The following CEP164 variants were observed in gnomAD, a reference collection of about 807,000 sequenced individuals.
CEP164 encodes centrosomal protein of 164 kDa.
CEP164 carries 162 observed loss-of-function variants against 182.7 expected under a neutral mutation model. The observed-to-expected ratio is 0.89, with a 90% CI of 0.78 to 1.01. The LOEUF (loss-of-function observed/expected upper bound fraction) is 1.01. Among genes scored for constraint, CEP164 ranks in the 50% least tolerant of loss-of-function variants. The pLI is 0.00. For synonymous variants in CEP164, 661 were observed against 690.0 expected, an observed-to-expected ratio of 0.96 and a Z score of 0.66; for missense variants, 1,735 against 1,790.4, an observed-to-expected ratio of 0.97 and a Z score of 0.56.
At chr11:117,398,585 C>CT (rs138782691) in intron 27 of CEP164, among the ~76,000 whole-genome samples, 8,029 of 152,296 alleles carry the variant, frequency 0.053, 270 homozygotes, top group African/African-American at 0.059. Context: ...TTCCATACAT[C>CT]TTCTGAAATC....
rs775216897 is a variant in CEP164, at chr11:117,394,456, A to G, written c.2723A>G (p.Lys908Arg). The G allele has an allele frequency of 1.2e-6, 2 of 1,614,128 alleles. No individual in the cohort carries two copies. The highest frequency in any genetic ancestry group is 2.2e-5 in the South Asian group (2 of 91,070). Residue 908 changes from lysine to arginine, a missense_variant, in exon 21 of 33, where the codon AAG becomes AGG. Coordinates refer to ENST00000278935, the MANE Select transcript of CEP164 (RefSeq NM_014956.5). This position sits in a 1 kb window ranked among gnomAD's most constrained non-coding sequence, Gnocchi z 4.0. ...GAGACTGTGAGGCAGGAGCAACACA[A>G]GCGTCTTGAGGACTTGCGGCGCCGG... is the stretch of plus-strand genomic sequence containing the variant. ...ELETVRQEQH[K>R]RLEDLRRRHR...
At chr11:117,347,923 AT>A (rs1190916598) in intron 4 of CEP164, among the ~76,000 whole-genome samples, 2 of 152,014 alleles carry the variant, frequency 1.3e-5, no homozygotes, top group Non-Finnish European at 2.9e-5. Flanking sequence ...AATAAGGACA[AT>A]TTTTTATTCA....
At chr11:117,339,515 G>GTTTTTT (rs1199425322) in intron 3 of CEP164, among the ~76,000 whole-genome samples, 16 of 90,872 alleles carry the variant, frequency 1.8e-4, no homozygotes, top group Admixed American at 3.1e-4. Flanking sequence ...CTTTTCCTTT[G>GTTTTTT]TTTTTTGTTT....
chr11:117,360,334 A>AT (rs1319184158), intron 5 of CEP164, among the ~76,000 whole-genome samples: 1 of 151,832 alleles, frequency 6.6e-6, no homozygotes, highest in Non-Finnish European at 1.5e-5. Context: ...TGTCCAGCAA[A>AT]TTTTTTTAAT....
intron 5 of CEP164, among the ~76,000 whole-genome samples, chr11:117,360,250 C>G (rs1420863070): frequency 6.6e-6 from 1 of 152,108 alleles, no homozygotes; most frequent in Non-Finnish European, 1.5e-5. Flanking sequence ...TCACTATAAC[C>G]TTGAACTCCT....
At chr11:117,410,572 G>A in intron 30 of CEP164, 1 of 382,380 alleles carries the variant, frequency 2.6e-6, no homozygotes, top group Non-Finnish European at 4.8e-6. Context: ...TCTCAGCCCT[G>A]CTGAGGATTA....
chr11:117,391,076 A>C lies in CEP164; in HGVS notation c.2144A>C (p.Glu715Ala), dbSNP rs777159683. Reference sequence around the variant, plus strand: ...CAGAAGGCTGAGAGGGCCAGCTTGGAACAGAAAAATAGGCAAATGCTGGAG... The same window carrying C: ...CAGAAGGCTGAGAGGGCCAGCTTGGCACAGAAAAATAGGCAAATGCTGGAG... The part of the protein sequence containing the change: ...SQQKAERASL[E>A]QKNRQMLEQL... The change falls in exon 17 of 33, where the codon GAA becomes GCA. Residue 715 changes from glutamate to alanine, a missense_variant. Transcript: ENST00000278935. 6.2e-7 allele frequency: 1 copy of C among 1,614,136 alleles called. No homozygotes were observed. Among genetic ancestry groups the C allele is most frequent in the Non-Finnish European group, 8.5e-7 (1 of 1,180,038 alleles).
intron 1 of CEP164, among the ~76,000 whole-genome samples, chr11:117,333,398 T>C (rs1424750003): frequency 1.3e-5 from 2 of 152,210 alleles, no homozygotes. Flanking sequence ...GCTCATGGTT[T>C]TCTACCTTAT....
At position 117,381,765 on chromosome 11, in the gene CEP164, G is replaced by C. The variant is rs757278608; in HGVS notation, c.1474G>C (p.Glu492Gln). 1.2e-6 allele frequency: 2 copies of C among 1,607,018 alleles called. No homozygotes were observed. Among genetic ancestry groups the C allele is most frequent in the East Asian group, 2.2e-5 (1 of 44,668 alleles). ...TCCCCCTCGCAGCCTGGCCACTGAA[G>C]AAGAGCCTCCCCAGGGCCCCGAGGG... ...QSPPRSLATE[E>Q]EPPQGPEGQP... is the part of the protein sequence containing the mutation. The change falls in exon 13 of 33, where the codon GAA becomes CAA. Residue 492 changes from glutamate (E) to glutamine (Q), a missense_variant. Glu to Gln is a conservative substitution (Grantham distance 29, BLOSUM62 2). Coordinates refer to ENST00000278935, the MANE Select transcript of CEP164 (RefSeq NM_014956.5).
At chr11:117,363,593 A>G (rs2041263988) in intron 8 of CEP164, 87 bp downstream of exon 8, 3 of 940,218 alleles carry the variant, frequency 3.2e-6, no homozygotes, top group Non-Finnish European at 1.6e-6. Context: ...GTTGTAATGC[A>G]TATTTGGAAA....
In CEP164 at chr11:117,382,935, C is replaced by A. The variant is rs779345917; in HGVS notation, c.1717C>A (p.Pro573Thr). 2.5e-5 allele frequency: 40 copies of A among 1,613,096 alleles called. No individual in the cohort carries two copies. The highest frequency in any genetic ancestry group is 1.3e-5 in the African/African-American group (1 of 74,894). ...VAVSPTPPVS[P>T]EVRSTEPVAP... ...GGTCAGCCCCACCCCGCCAGTCTCT[C>A]CAGAGGTGTAAGGGCCAGTTTTGTG... The change falls in exon 14 of 33, where the codon CCA (proline) becomes ACA (threonine). Residue 573 changes from proline (P) to threonine (T), a missense_variant. Transcript: ENST00000278935.
chr11:117,350,208 C>CT (rs55790205), intron 4 of CEP164, among the ~76,000 whole-genome samples: 146 of 146,316 alleles, frequency 1.0e-3, no homozygotes, highest in East Asian at 4.6e-3. Context: ...CGCACCCAGC[C>CT]TTTTTTTTTT....
At position 117,390,906 on chromosome 11, in the gene CEP164, C is replaced by T. The variant is rs1172083233; in HGVS notation, c.2064C>T (p.Ile688=). ...GCACACAAGCAGATGAGGACCAAAT[C>T]AGGTAAGTGTGTGCTTACCTGTGAG... ...QSSTQADEDQ[I]RAEQEASLQK... is the part of the protein sequence containing the mutation. Residue 688 remains isoleucine, a splice_region_variant and synonymous_variant, in exon 16 of 33, where the codon ATC becomes ATT. Transcript: ENST00000278935. The T allele has an allele frequency of 1.9e-6, 3 of 1,613,736 alleles. No homozygotes were observed. The highest frequency in any genetic ancestry group is 1.3e-5 in the African/African-American group (1 of 74,824).
intron 10 of CEP164, among the ~76,000 whole-genome samples, chr11:117,374,861 G>A (rs1222248065): frequency 6.6e-6 from 1 of 152,200 alleles, no homozygotes; most frequent in Non-Finnish European, 1.5e-5. Context: ...CCATTAATCA[G>A]GGCTGATGTG....
At chr11:117,352,126 A>G in intron 5 of CEP164, 138 bp downstream of exon 5, 1 of 734,414 alleles carries the variant, frequency 1.4e-6, no homozygotes, top group Non-Finnish European at 2.2e-6. Context: ...TATCATCTAA[A>G]CTTTGCCTGT....
At chr11:117,380,902 A>ATG (rs1241798891) in intron 12 of CEP164, among the ~76,000 whole-genome samples, 197 bp downstream of exon 12, 1 of 152,110 alleles carries the variant, frequency 6.6e-6, no homozygotes, top group Non-Finnish European at 1.5e-5. Flanking sequence ...TGTACTGGCA[A>ATG]TGTGTGTATA....
chr11:117,393,053 A>G lies in CEP164; in HGVS notation c.2543A>G (p.Glu848Gly). 1 of 1,613,808 alleles carries G rather than the reference A, an allele frequency of 6.2e-7. No homozygotes were observed. Among genetic ancestry groups the G allele is most frequent in the South Asian group, 1.1e-5 (1 of 91,070 alleles). Residue 848 changes from glutamate to glycine, a missense_variant, in exon 20 of 33, where the codon GAG becomes GGG. Glu to Gly is a moderately conservative substitution (Grantham distance 98). Transcript: ENST00000278935. ...EKRQEVEGEH[E>G]RRLDKMKEEH... ...CGCCAGGAAGTGGAAGGGGAGCATG[A>G]GAGGAGGTTGGACAAGATGAAGGAG...
chr11:117,322,519 T>C (rs2035282733), intron 1 of CEP164, among the ~76,000 whole-genome samples: 1 of 152,118 alleles, frequency 6.6e-6, no homozygotes, highest in South Asian at 2.1e-4. Flanking sequence ...ATTGTCACCC[T>C]ACTGTGCAAT....
rs748681315 is a variant in CEP164 at position 117,394,480 on chromosome 11, G to C, written c.2747G>C (p.Arg916Pro). 1.9e-6 allele frequency: 3 copies of C among 1,613,738 alleles called. No individual in the cohort carries two copies. Among genetic ancestry groups the C allele is most frequent in the Admixed American group, 1.7e-5 (1 of 59,998 alleles). The change falls in exon 21 of 33, where the codon CGG becomes CCG. Residue 916 changes from arginine to proline, a missense_variant. Arg to Pro is a moderately radical substitution (Grantham distance 103, BLOSUM62 -2). Transcript: ENST00000278935. This position sits in a 1 kb window ranked among gnomAD's most constrained non-coding sequence, Gnocchi z 4.0. ...AAGCGTCTTGAGGACTTGCGGCGCCGGCACAGGGAGCAGGTGAGGGGCCTG... is the reference window on the plus strand; with the variant it reads ...AAGCGTCTTGAGGACTTGCGGCGCCCGCACAGGGAGCAGGTGAGGGGCCTG... Reference protein sequence around the residue: ...QHKRLEDLRRRHREQERKLQD... With the variant: ...QHKRLEDLRRPHREQERKLQD...
Sources: gnomAD v4.1 joint callset for allele counts (sites outside exome capture counted in the v4.1 genomes callset) on GRCh38, gnomAD v4.1.1 for gene constraint, Gnocchi (gnomAD v3.1) non-coding constraint, MANE v1.5 for transcripts, NCBI Gene and HGNC (gene_info 2026-07-23, HGNC 2026-07-21) for gene names.